ILDR2: variants seen among roughly 807,000 people sequenced by gnomAD.
The protein encoded by ILDR2 is immunoglobulin-like domain-containing receptor 2.
In ILDR2, 25 loss-of-function variants were observed where a neutral mutation model predicts 66.8. The observed-to-expected ratio is 0.37, with a 90% CI of 0.27 to 0.52. The LOEUF (loss-of-function observed/expected upper bound fraction) is 0.52, where lower values mean the gene tolerates loss of function less well. Ranked by LOEUF, ILDR2 falls within the 20% of genes least tolerant of loss-of-function variation. The probability of loss-of-function intolerance (pLI) is 0.88; values close to 1 mark genes in which losing one functional copy is unlikely to be tolerated. For missense variants in ILDR2, 827 were observed against 876.8 expected (o/e 0.94, Z 0.72); for synonymous variants, 367 against 357.2 (o/e 1.03, Z -0.31).
At chr1:166,926,994 G>T (rs1035165676) in intron 7 of ILDR2, 73 bp downstream of exon 7, 3 of 1,052,386 alleles carry the variant, frequency 2.9e-6, no homozygotes, top group Non-Finnish European at 2.8e-6. Context: ...CCCAAGTTTG[G>T]TGACCCCCAA....
chr1:166,963,816 C>T (rs566797853), intron 1 of ILDR2, among the ~76,000 whole-genome samples: 74 of 152,242 alleles, frequency 4.9e-4, no homozygotes, highest in African/African-American at 1.7e-3. Flanking sequence ...TGAAGGAGTT[C>T]CTGGGAGGCA....
intron 2 of ILDR2, among the ~76,000 whole-genome samples, chr1:166,899,843 G>C (rs554210647): frequency 1.6e-4 from 24 of 152,312 alleles, no homozygotes; most frequent in Non-Finnish European, 3.1e-4. Context: ...AGCTCCATGA[G>C]AGCAGAATGC....
chr1:166,943,812 T>A, intron 3 of ILDR2: 1 of 985,204 alleles, frequency 1.0e-6, no homozygotes, highest in Non-Finnish European at 1.2e-6. Context: ...AGGATTCAGT[T>A]TAAGAGTGGC....
At chr1:166,956,941 T>A in intron 2 of ILDR2, 89 bp from the exon 3 acceptor site, 1 of 1,369,026 alleles carries the variant, frequency 7.3e-7, no homozygotes, top group Non-Finnish European at 1.0e-6. Flanking sequence ...GGGAGAAACC[T>A]TCTGGGGTAT....
In ILDR2 at chr1:166,973,380, C is replaced by T. The variant is rs551636319; in HGVS notation, c.46+1843G>A. Among the ~76,000 whole-genome samples, 12 of 152,216 alleles carry T rather than the reference C, an allele frequency of 7.9e-5. No individual in the cohort carries two copies. The South Asian group carries it at 2.3e-3, about 29-fold the overall frequency. The stretch of plus-strand genomic sequence containing the variant: ...AATCTAGTCCCTAATCAATCATGAA[C>T]GTGCTATGTGCATATTGCCTCTCTA... On this transcript the variant is annotated intron_variant, in intron 1 of 9. Coordinates refer to ENST00000271417, the MANE Select transcript of ILDR2 (RefSeq NM_199351.3).
Position 166,920,741 on chromosome 1 carries a change from T to C in ILDR2, c.1850A>G (p.Glu617Gly), listed in dbSNP as rs935938403. ...GGCGGGCTCCTTTTTCCTCTTCTTC[T>C]CCGAGTTGCTGTGGTAGGGCAGGTC... ...GRDLPYHSNS[E>G]KKRKKEPAKK... Residue 617 changes from glutamate to glycine, a missense_variant, in exon 9 of 10, where the codon GAG (glutamate) becomes GGG (glycine). Transcript: ENST00000271417. 8.3e-6 allele frequency: 12 copies of C among 1,453,496 alleles called. No individual in the cohort carries two copies. Among genetic ancestry groups the C allele is most frequent in the African/African-American group, 4.5e-5 (3 of 67,188 alleles). 90.0% of individuals were successfully genotyped at this position (1,453,496 alleles called of 1,614,324 possible).
At chr1:166,967,284 T>TC in intron 1 of ILDR2, among the ~76,000 whole-genome samples, 1 of 152,210 alleles carries the variant, frequency 6.6e-6, no homozygotes, top group Admixed American at 6.5e-5. Context: ...GGTAGGCTTA[T>TC]CCCCACAGAT....
At chr1:166,907,497 TTCTTTTG>T (rs1199043004), downstream of ILDR2, among the ~76,000 whole-genome samples, 8 of 152,180 alleles carry the variant, frequency 5.3e-5, no homozygotes, top group Admixed American at 1.3e-4. Flanking sequence ...GCCTGTTCAT[TTCTTTTG>T]AGGGAACATC....
At chr1:166,957,156 C>T (rs1662327417) in intron 2 of ILDR2, among the ~76,000 whole-genome samples, 1 of 152,142 alleles carries the variant, frequency 6.6e-6, no homozygotes, top group African/African-American at 2.4e-5. Context: ...CCCCTAAGAG[C>T]CAGGAAAATG....
chr1:166,920,017 G>A (rs1204517393), intron 9 of ILDR2, among the ~76,000 whole-genome samples: 1 of 152,164 alleles, frequency 6.6e-6, no homozygotes, highest in African/African-American at 2.4e-5. Flanking sequence ...GAGGTCCAGG[G>A]CTCCCATTTT....
Position 166,920,969 on chromosome 1 carries a change from C to A in ILDR2, c.1622G>T (p.Gly541Val). 2 of 1,486,368 alleles carry A rather than the reference C, an allele frequency of 1.3e-6. No individual in the cohort carries two copies. The highest frequency in any genetic ancestry group is 1.8e-6 in the Non-Finnish European group (2 of 1,129,244). The allele number at this position is 1,486,368 out of a possible 1,614,324, so 92.1% of individuals were successfully genotyped here. The change falls in exon 9 of 10, where the codon GGC becomes GTC. Residue 541 changes from glycine (G) to valine (V), a missense_variant. Physicochemically the swap from Gly to Val is moderately radical, Grantham distance 109 (BLOSUM62 -3). Around this residue, in one of 2 missense-constraint regions of ILDR2, gnomAD observed 390 missense variants for 353.6 expected, o/e 1.10. Transcript: ENST00000271417. ...SARERQARPE[G>V]ASRGGSLETP... ...CTCCAGGCTGCCACCGCGGCTGGCG[C>A]CCTCGGGCCGCGCCTGGCGCTCCCG... is the stretch of plus-strand genomic sequence containing the variant.
At chr1:166,932,420 C>A (rs867052589) in intron 6 of ILDR2, among the ~76,000 whole-genome samples, 15 of 152,148 alleles carry the variant, frequency 9.9e-5, no homozygotes, top group South Asian at 6.2e-4. Context: ...CATCTGAGGA[C>A]CACAGGATTT....
chr1:166,896,564 ATC>A (rs397838693), intron 2 of ILDR2, among the ~76,000 whole-genome samples: 6 of 145,648 alleles, frequency 4.1e-5, no homozygotes, highest in Non-Finnish European at 9.1e-5. Context: ...ATATATATAT[ATC>A]TCATGTTGAA....
rs1659439219 is a variant in ILDR2 at position 166,909,908 on chromosome 1, T to C, written c.*9447A>G. On this transcript the variant is annotated 3_prime_UTR_variant, in exon 10 of 10. Transcript: ENST00000271417. ...CTTCTACACAAAATTTGTAACAAAA[T>C]GTGAGAAAATATCTCCAGAGAGCAA... is the stretch of plus-strand genomic sequence containing the variant. 1 of 150,492 alleles carries C rather than the reference T, an allele frequency of 6.6e-6. No homozygotes were observed. The highest frequency in any genetic ancestry group is 1.5e-5 in the Non-Finnish European group (1 of 67,750). The allele number at this position is 150,492 out of a possible 1,614,324, so 9.3% of individuals were successfully genotyped here.
At position 166,918,657 on chromosome 1, in the gene ILDR2, G is replaced by A. The variant is rs928058751; in HGVS notation, c.*698C>T. The A allele has an allele frequency of 2.6e-5, 4 of 152,242 alleles. No homozygotes were observed. The highest frequency in any genetic ancestry group is 2.9e-5 in the Non-Finnish European group (2 of 68,056). 9.4% of individuals were successfully genotyped at this position (152,242 alleles called of 1,614,324 possible). A position where few individuals can be genotyped will look rare whatever the true frequency, so the allele number is the denominator to read the frequency against. ...AGCAGAAAAGGAAAAAGCAGTTTACGTTCTCAGAATGGAAAAGGAAATACC... is the reference window on the plus strand; with the variant it reads ...AGCAGAAAAGGAAAAAGCAGTTTACATTCTCAGAATGGAAAAGGAAATACC... On this transcript the variant is annotated 3_prime_UTR_variant, in exon 10 of 10. Coordinates refer to ENST00000271417, the MANE Select transcript of ILDR2 (RefSeq NM_199351.3).
chr1:166,930,556 A>T (rs183361378), intron 6 of ILDR2, among the ~76,000 whole-genome samples: 2 of 152,356 alleles, frequency 1.3e-5, no homozygotes, highest in East Asian at 3.9e-4. Context: ...AAGTTCAAAT[A>T]TACTAAACTA....
rs1419645571 is a variant in ILDR2 at position 166,915,039 on chromosome 1, A to AT, written c.*4315dup. 6.6e-6 allele frequency: 1 copy of AT among 152,156 alleles called. No individual in the cohort carries two copies. Among genetic ancestry groups the AT allele is most frequent in the South Asian group, 2.1e-4 (1 of 4,826 alleles). 9.4% of individuals were successfully genotyped at this position (152,156 alleles called of 1,614,324 possible). ...ATGGCATCTTTTCCTTCTATTCATG[A>AT]TTTAAGTTTTGCTAAAAATATATCA... is the stretch of plus-strand genomic sequence containing the variant. On this transcript the variant is annotated 3_prime_UTR_variant, in exon 10 of 10. Transcript: ENST00000271417.
chr1:166,907,632 C>T (rs1280608688), downstream of ILDR2, among the ~76,000 whole-genome samples: 1 of 152,164 alleles, frequency 6.6e-6, no homozygotes, highest in Non-Finnish European at 1.5e-5. Flanking sequence ...AGTTTAGTAT[C>T]ATGGGTAATC....
intron 2 of ILDR2, among the ~76,000 whole-genome samples, chr1:166,896,859 T>C (rs1049990865): frequency 9.2e-5 from 14 of 152,242 alleles, no homozygotes; most frequent in African/African-American, 2.9e-4. Context: ...GGTCTTGAAC[T>C]CCTGACCTCA....
Sources: gnomAD v4.1 joint callset for allele counts (sites outside exome capture counted in the v4.1 genomes callset) on GRCh38, gnomAD v4.1.1 for gene constraint, gnomAD v4.1.1 regional missense constraint, MANE v1.5 for transcripts, NCBI Gene and HGNC (gene_info 2026-07-23, HGNC 2026-07-21) for gene names.